The following SLC26A5 variants were observed in gnomAD, a reference collection of about 807,000 sequenced individuals.
The protein encoded by SLC26A5 is solute carrier family 26 member 5.
SLC26A5 carries 51 observed loss-of-function variants against 81.0 expected under a neutral mutation model. That is an observed-to-expected ratio of 0.63 (90% confidence interval 0.50 to 0.80). The LOEUF is 0.80. Among genes scored for constraint, SLC26A5 ranks in the 30% least tolerant of loss-of-function variants. The pLI, the probability that SLC26A5 is intolerant of heterozygous loss-of-function variation, is 0.00. For synonymous variants in SLC26A5, 325 were observed against 332.8 expected, an observed-to-expected ratio of 0.98 and a Z score of 0.25; for missense variants, 771 against 905.8, an observed-to-expected ratio of 0.85 and a Z score of 1.91.
chr7:103,412,789 G>C (rs931236302), intron 5 of SLC26A5, among the ~76,000 whole-genome samples: 3 of 152,060 alleles, frequency 2.0e-5, no homozygotes, highest in Admixed American at 1.3e-4. Context: ...GACCTCAGAC[G>C]ATCTGCCCGC....
chr7:103,417,368 CAAAAAAAAA>C (rs527355678), intron 4 of SLC26A5, among the ~76,000 whole-genome samples: 2 of 65,832 alleles, frequency 3.0e-5, no homozygotes, highest in Non-Finnish European at 6.7e-5. Flanking sequence ...GACTCTGTCT[CAAAAAAAAA>C]AAAAAAAAGA....
chr7:103,352,922 G>A (rs372931810), exon 20 of SLC26A5: 2 of 780,820 alleles, frequency 2.6e-6, no homozygotes, highest in Non-Finnish European at 4.8e-6. Flanking sequence ...ATCTCTGTAT[G>A]AAAGCTGAAA....
chr7:103,389,176 C>A (rs1822441413), intron 13 of SLC26A5, 62 bp from the exon 14 acceptor site: 10 of 1,274,238 alleles, frequency 7.8e-6, no homozygotes, highest in Non-Finnish European at 8.0e-6. Flanking sequence ...GAGTTAAACA[C>A]ACAAGTGTGC....
intron 2 of SLC26A5, among the ~76,000 whole-genome samples, chr7:103,421,794 AC>A (rs1285368330): frequency 2.0e-5 from 3 of 152,202 alleles, no homozygotes; most frequent in Non-Finnish European, 4.4e-5. Context: ...TAATGTGTGT[AC>A]TTTTAACAAA....
intron 19 of SLC26A5, chr7:103,362,446 A>T (rs1252470204): frequency 1.5e-5 from 20 of 1,295,372 alleles, no homozygotes; most frequent in Admixed American, 1.1e-4. Flanking sequence ...TTAGTAAATT[A>T]AAAAAAAATC....
chr7:103,391,511 G>A, intron 11 of SLC26A5, 111 bp downstream of exon 11: 2 of 830,800 alleles, frequency 2.4e-6, no homozygotes, highest in Non-Finnish European at 4.0e-6. Flanking sequence ...GCTCACTGGA[G>A]CATGGATCTG....
At chr7:103,363,970 A>G (rs1820555831) in intron 19 of SLC26A5, among the ~76,000 whole-genome samples, 1 of 152,206 alleles carries the variant, frequency 6.6e-6, no homozygotes, top group Non-Finnish European at 1.5e-5. Flanking sequence ...GAATAAGTAA[A>G]ATTTCTTATT....
chr7:103,374,301 C>A lies in SLC26A5; in HGVS notation c.*98G>T, dbSNP rs887278954. The A allele has an allele frequency of 1.3e-6, 2 of 1,547,992 alleles. No individual in the cohort carries two copies. The highest frequency in any genetic ancestry group is 2.7e-5 in the African/African-American group (2 of 72,952). On this transcript the variant is annotated 3_prime_UTR_variant, in exon 20 of 20. Transcript: ENST00000306312. ...AAATCAAGCCTGGACTACTAGTATT[C>A]ACCCTTAGAAAAAAAAATCTAGCGT...
intron 17 of SLC26A5, among the ~76,000 whole-genome samples, 159 bp from the exon 18 acceptor site, chr7:103,377,958 C>CA (rs1256712740): frequency 6.6e-6 from 1 of 151,888 alleles, no homozygotes; most frequent in Non-Finnish European, 1.5e-5. Context: ...TGTAACTGAA[C>CA]AAAAAAAGGA....
chr7:103,366,646 C>T (rs980753307), intron 19 of SLC26A5, among the ~76,000 whole-genome samples: 2 of 152,158 alleles, frequency 1.3e-5, no homozygotes, highest in Admixed American at 6.5e-5. Context: ...CACCTATTTC[C>T]ATACTTTAAA....
chr7:103,407,996 A>G lies in SLC26A5; in HGVS notation c.743T>C (p.Val248Ala). Residue 248 changes from valine (V) to alanine (A), a missense_variant, in exon 8 of 20, where the codon GTT (valine) becomes GCT (alanine). By Grantham distance (64) the Val-to-Ala change is moderately conservative (BLOSUM62 0). Coordinates refer to ENST00000306312, the MANE Select transcript of SLC26A5 (RefSeq NM_198999.3). ...GTTTTTAACATTCTGCAACACAGCA[A>G]CTGTACTCTGTAACACAGTGAATGC... ...SGIFSVVYST[V>A]AVLQNVKNLN... 1.2e-6 allele frequency: 2 copies of G among 1,614,104 alleles called. No individual in the cohort carries two copies. The highest frequency in any genetic ancestry group is 1.7e-6 in the Non-Finnish European group (2 of 1,179,998).
intron 2 of SLC26A5, among the ~76,000 whole-genome samples, chr7:103,430,701 C>T (rs934309176): frequency 1.4e-5 from 2 of 142,572 alleles, no homozygotes; most frequent in African/African-American, 5.5e-5. Context: ...AAGGTAAACG[C>T]TAATAAGACA....
chr7:103,379,509 GA>G (rs943306741), intron 15 of SLC26A5, among the ~76,000 whole-genome samples, 174 bp from the exon 16 acceptor site: 6 of 144,500 alleles, frequency 4.2e-5, no homozygotes, highest in East Asian at 2.0e-4. Flanking sequence ...GATAAGAAAA[GA>G]AAAAAAAAGT....
At chr7:103,389,548 G>T (rs574638215) in intron 12 of SLC26A5, 124 bp from the exon 13 acceptor site, 8 of 744,748 alleles carry the variant, frequency 1.1e-5, no homozygotes, top group Non-Finnish European at 1.9e-5. Flanking sequence ...ATATGGCACC[G>T]ATGGTAGCTT....
In SLC26A5 at chr7:103,446,102, C is replaced by T. The variant is rs1438665451; in HGVS notation, c.-187G>A. On this transcript the variant is annotated 5_prime_UTR_variant, in exon 1 of 20. Transcript: ENST00000306312. ...CGGCCGCCCGCGCGCACTCACCAGC[C>T]CGGGCTGCCCTGGGCGGAGCCGCCC... 6.6e-6 allele frequency: 1 copy of T among 152,092 alleles called. No homozygotes were observed. The highest frequency in any genetic ancestry group is 1.5e-5 in the Non-Finnish European group (1 of 68,270). The allele number at this position is 152,092 out of a possible 1,614,324, so 9.4% of individuals were successfully genotyped here. A position where few individuals can be genotyped will look rare whatever the true frequency, so the allele number is the denominator to read the frequency against.
intron 2 of SLC26A5, among the ~76,000 whole-genome samples, chr7:103,426,453 TAAA>T (rs2116763339): frequency 6.6e-6 from 1 of 152,352 alleles, no homozygotes; most frequent in African/African-American, 2.4e-5. Context: ...ATAATTATAT[TAAA>T]AAGTATTCTT....
At chr7:103,376,031 A>C (rs1441011341) in intron 19 of SLC26A5, among the ~76,000 whole-genome samples, 1 of 152,106 alleles carries the variant, frequency 6.6e-6, no homozygotes, top group Non-Finnish European at 1.5e-5. Flanking sequence ...TGCTGGGATT[A>C]CAGGTGTGAG....
intron 19 of SLC26A5, among the ~76,000 whole-genome samples, chr7:103,376,336 G>GAT (rs1449559411): frequency 2.6e-5 from 4 of 151,118 alleles, no homozygotes; most frequent in Non-Finnish European, 5.9e-5. Context: ...TTGGCCTCCC[G>GAT]AAGTGCTGGG....
rs2116274307 is a variant in SLC26A5, at chr7:103,367,468, G to A, written c.2041+9340C>T. 1 of 1,614,058 alleles carries A rather than the reference G, an allele frequency of 6.2e-7. No homozygotes were observed. Among genetic ancestry groups the A allele is most frequent in the Non-Finnish European group, 8.5e-7 (1 of 1,180,010 alleles). ...ACAATGAAGTGCAGAGAACAATGTT[G>A]GAACTGATCAATCAGCTTGATGGTT... is the stretch of plus-strand genomic sequence containing the variant. On this transcript the variant is annotated intron_variant, in intron 19 of 19. Transcript: ENST00000339444. This position sits in a 1 kb window ranked among gnomAD's most constrained non-coding sequence, Gnocchi z 6.1.
Sources: gnomAD v4.1 joint callset for allele counts (sites outside exome capture counted in the v4.1 genomes callset) on GRCh38, gnomAD v4.1.1 for gene constraint, Gnocchi (gnomAD v3.1) non-coding constraint, MANE v1.5 for transcripts, NCBI Gene and HGNC (gene_info 2026-07-23, HGNC 2026-07-21) for gene names.